The following MRPS6 variants were observed in gnomAD, a reference collection of about 807,000 sequenced individuals.
MRPS6 encodes the protein mitochondrial ribosomal protein S6, also known as small ribosomal subunit protein bS6m.
MRPS6 carries 6 observed loss-of-function variants against 13.1 expected under a neutral mutation model. The ratio of observed to expected loss-of-function variants is 0.46; its 90% CI spans 0.25 to 0.91. The LOEUF (loss-of-function observed/expected upper bound fraction) is 0.91, where lower values mean the gene tolerates loss of function less well. MRPS6 is among the 40% of genes least tolerant of loss of function. The pLI, the probability that MRPS6 is intolerant of heterozygous loss-of-function variation, is 0.18. For missense variants in MRPS6, 164 were observed against 155.6 expected, an observed-to-expected ratio of 1.05 and a Z score of -0.29; for synonymous variants, 61 against 56.5, an observed-to-expected ratio of 1.08 and a Z score of -0.36.
intron 1 of MRPS6, among the ~76,000 whole-genome samples, chr21:34,118,585 C>T (rs1304882430): frequency 1.4e-5 from 2 of 140,858 alleles, no homozygotes; most frequent in Non-Finnish European, 1.5e-5. Context: ...GAGACAGAGT[C>T]TCAGCTCACT....
intron 1 of MRPS6, chr21:34,101,626 C>T (rs1046134352): frequency 1.4e-5 from 14 of 1,000,038 alleles, no homozygotes; most frequent in African/African-American, 3.5e-5. Flanking sequence ...TTAGCAAATT[C>T]AAATTTTGAT....
intron 2 of MRPS6, among the ~76,000 whole-genome samples, chr21:34,128,278 TG>T (rs1319752965): frequency 6.6e-6 from 1 of 152,186 alleles, no homozygotes; most frequent in Non-Finnish European, 1.5e-5. Context: ...AAGCTAAGCC[TG>T]GGGCTGACGG....
chr21:34,103,115 A>G, intron 1 of MRPS6: 1 of 1,000,154 alleles, frequency 1.0e-6, no homozygotes, highest in Non-Finnish European at 1.2e-6. Context: ...AACGAGGCTT[A>G]TTGCTATTGC....
At chr21:34,108,433 CG>C (rs1979568545) in intron 1 of MRPS6, among the ~76,000 whole-genome samples, 1 of 152,096 alleles carries the variant, frequency 6.6e-6, no homozygotes, top group Admixed American at 6.6e-5. Context: ...TAGTAGGGTA[CG>C]CCTTCTAGGT....
intron 2 of MRPS6, among the ~76,000 whole-genome samples, chr21:34,132,257 C>G (rs1228430776): frequency 6.6e-6 from 1 of 152,178 alleles, no homozygotes; most frequent in East Asian, 1.9e-4. Flanking sequence ...GTCTCGGAGT[C>G]ACTTCTCACC....
chr21:34,121,974 T>C (rs1980135873), intron 1 of MRPS6, among the ~76,000 whole-genome samples: 1 of 152,174 alleles, frequency 6.6e-6, no homozygotes, highest in African/African-American at 2.4e-5. Context: ...TGGTACCCGA[T>C]GTGTCTACCT....
chr21:34,087,290 C>G (rs1334495946), intron 1 of MRPS6, among the ~76,000 whole-genome samples: 3 of 40,222 alleles, frequency 7.5e-5, no homozygotes, highest in African/African-American at 3.2e-4. Context: ...TAATCTGCAT[C>G]TCTTGTTGCT....
chr21:34,076,380 A>G (rs1310238567), intron 1 of MRPS6, among the ~76,000 whole-genome samples: 1 of 152,230 alleles, frequency 6.6e-6, no homozygotes, highest in Non-Finnish European at 1.5e-5. Flanking sequence ...TCTGGATTGT[A>G]GCAAAGTCAG....
At chr21:34,092,451 G>A (rs531390011) in intron 1 of MRPS6, among the ~76,000 whole-genome samples, 37 of 152,298 alleles carry the variant, frequency 2.4e-4, no homozygotes, top group African/African-American at 7.7e-4. Flanking sequence ...AGCCTAGGCG[G>A]AGAGTTGAGA....
At chr21:34,091,551 AC>A (rs1157042911) in intron 1 of MRPS6, among the ~76,000 whole-genome samples, 3 of 152,170 alleles carry the variant, frequency 2.0e-5, no homozygotes, top group Admixed American at 1.3e-4. Flanking sequence ...ATTTGGTCTT[AC>A]CTTTTTTTCT....
chr21:34,135,780 C>A, intron 2 of MRPS6: 1 of 501,316 alleles, frequency 2.0e-6, no homozygotes. Context: ...TGATGATGCG[C>A]ACAGTCATGA....
chr21:34,102,678 G>A (rs1352902564), intron 1 of MRPS6: 2 of 1,000,046 alleles, frequency 2.0e-6, no homozygotes, highest in East Asian at 2.3e-4. Context: ...AAGGATGCTA[G>A]AATAAAGTAA....
At chr21:34,085,600 CTTT>C (rs56135810) in intron 1 of MRPS6, among the ~76,000 whole-genome samples, 4 of 130,252 alleles carry the variant, frequency 3.1e-5, no homozygotes, top group Non-Finnish European at 1.6e-5. Flanking sequence ...GAAATAAGGA[CTTT>C]TTTTTTTTTT....
Position 34,095,572 on chromosome 21 carries a change from A to G in MRPS6, c.45+21827A>G, listed in dbSNP as rs747641336. On this transcript the variant is annotated intron_variant, in intron 1 of 2. Transcript: ENST00000399312. ...TTTGGTGGCCATAGGATTCAGGTCT[A>G]TTTTGCAGCCTTGTCTCTGATTCTC... The G allele has an allele frequency of 1.9e-6, 3 of 1,612,180 alleles. No homozygotes were observed. The East Asian group carries it at 6.7e-5, about 36-fold the overall frequency.
intron 1 of MRPS6, chr21:34,124,703 G>T (rs532877662): frequency 1.3e-4 from 20 of 152,178 alleles, no homozygotes; most frequent in African/African-American, 4.6e-4. Context: ...TCTTCCAGCT[G>T]AATGTTTCTT....
At chr21:34,139,336 T>TA (rs150351667) in intron 2 of MRPS6, among the ~76,000 whole-genome samples, 4,003 of 151,554 alleles carry the variant, frequency 0.026, 188 homozygotes, top group African/African-American at 0.09. Context: ...TAAAGTATAA[T>TA]AAAAAAAAAT....
chr21:34,134,429 T>TC (rs567246940), intron 2 of MRPS6, among the ~76,000 whole-genome samples: 102 of 152,302 alleles, frequency 6.7e-4, no homozygotes, highest in Non-Finnish European at 1.2e-3. Flanking sequence ...GTTGCCTCCA[T>TC]CCCACATCAG....
At position 34,115,999 on chromosome 21, in the gene MRPS6, A is replaced by G. The variant is rs79113189; in HGVS notation, c.46-9342A>G. On this transcript the variant is annotated intron_variant, in intron 1 of 2. Transcript: ENST00000399312. ...ATTATTAAAATGTTTTTATGCCAGT[A>G]TGTAAGGATCATACCCCATCCCAAC... is the stretch of plus-strand genomic sequence containing the variant. 5.3e-3 allele frequency among the ~76,000 whole-genome samples: 797 copies of G among 150,282 alleles called. 9 individuals carry two copies. Among genetic ancestry groups the G allele is most frequent in the African/African-American group, 0.017 (696 of 40,792 alleles).
intron 1 of MRPS6, among the ~76,000 whole-genome samples, chr21:34,115,920 CTT>C (rs777048344): frequency 3.5e-5 from 5 of 141,016 alleles, no homozygotes; most frequent in Admixed American, 7.1e-5. Flanking sequence ...CTACATAGTC[CTT>C]TTTTTTTTTT....
Sources: allele counts gnomAD v4.1 joint callset (sites outside exome capture counted in the v4.1 genomes callset), GRCh38; gene constraint gnomAD v4.1.1; transcripts MANE v1.5; gene names NCBI Gene and HGNC (gene_info 2026-07-23, HGNC 2026-07-21).